Variants in FSTL4 observed in about 807,000 individuals in gnomAD.
The protein encoded by FSTL4 is follistatin like 4.
Under a neutral mutation model 78.2 loss-of-function variants are expected in FSTL4, and 28 were observed. The ratio of observed to expected loss-of-function variants is 0.36; its 90% confidence interval spans 0.27 to 0.49. FSTL4 has a LOEUF of 0.49. Among genes scored for constraint, FSTL4 ranks in the 20% least tolerant of loss-of-function variants. The pLI is 0.98. For synonymous variants in FSTL4, 422 were observed against 440.5 expected (o/e 0.96, Z 0.53); for missense variants, 922 against 1,084.9 (o/e 0.85, Z 2.11).
chr5:133,802,236 T>C, the FSTL4 span, among the ~76,000 whole-genome samples: 25,618 of 152,162 alleles, frequency 0.17, 2,653 homozygotes, highest in African/African-American at 0.3. Flanking sequence ...TCAGTAAATA[T>C]TGACCAAATC....
At chr5:133,340,449 T>G (rs1273829206) in intron 4 of FSTL4, among the ~76,000 whole-genome samples, 2 of 152,118 alleles carry the variant, frequency 1.3e-5, no homozygotes, top group Admixed American at 6.5e-5. Context: ...ACTGTGTGTG[T>G]GGGGTGCTCA....
chr5:133,598,539 G>T (rs1056907693), intron 2 of FSTL4, among the ~76,000 whole-genome samples: 4 of 152,082 alleles, frequency 2.6e-5, no homozygotes, highest in Non-Finnish European at 4.4e-5. Context: ...TAGGTGGGAG[G>T]TTGTGCCCTC....
chr5:133,363,423 A>C (rs1215095202), intron 4 of FSTL4, among the ~76,000 whole-genome samples: 1 of 151,996 alleles, frequency 6.6e-6, no homozygotes, highest in Non-Finnish European at 1.5e-5. Flanking sequence ...TCCCACCCTT[A>C]ATGACTTTTC....
chr5:133,813,005 G>A, the FSTL4 span, among the ~76,000 whole-genome samples: 4 of 152,172 alleles, frequency 2.6e-5, no homozygotes, highest in South Asian at 2.1e-4. Context: ...TTTGGCCATC[G>A]TGTTAACATT....
At chr5:133,343,561 G>T (rs2126920330) in intron 4 of FSTL4, among the ~76,000 whole-genome samples, 1 of 152,312 alleles carries the variant, frequency 6.6e-6, no homozygotes, top group Non-Finnish European at 1.5e-5. Flanking sequence ...TACACGTTTT[G>T]GTCAAACTGC....
At chr5:133,721,563 G>A in the FSTL4 span, among the ~76,000 whole-genome samples, 2 of 152,260 alleles carry the variant, frequency 1.3e-5, no homozygotes, top group Admixed American at 6.5e-5. Context: ...ATTCTTGACT[G>A]ACAGTCTTTT....
the FSTL4 span, among the ~76,000 whole-genome samples, chr5:133,752,158 C>G: frequency 6.6e-6 from 1 of 152,204 alleles, no homozygotes; most frequent in Non-Finnish European, 1.5e-5. Flanking sequence ...CCAACCTGCT[C>G]AAAACACTCT....
At chr5:133,650,588 T>C in the FSTL4 span, among the ~76,000 whole-genome samples, 3 of 152,182 alleles carry the variant, frequency 2.0e-5, no homozygotes, top group African/African-American at 7.2e-5. Flanking sequence ...CCTCTGCTCT[T>C]TTGTCATATT....
chr5:133,603,318 T>C (rs567618209), intron 2 of FSTL4, among the ~76,000 whole-genome samples: 1 of 152,226 alleles, frequency 6.6e-6, no homozygotes, highest in South Asian at 2.1e-4. Flanking sequence ...GAGGACAAGT[T>C]TTTCAAGCAC....
At chr5:133,567,351 A>G (rs1760047784) in intron 2 of FSTL4, 132 bp from the exon 3 acceptor site, 3 of 711,090 alleles carry the variant, frequency 4.2e-6, no homozygotes, top group Non-Finnish European at 7.4e-6. Flanking sequence ...GACACTGAGC[A>G]ATGTTGGTCT....
rs1284594841 is a variant in FSTL4, at chr5:133,430,952, T to A, written c.161-29966A>T. 2.0e-5 allele frequency among the ~76,000 whole-genome samples: 3 copies of A among 152,224 alleles called. No homozygotes were observed. In the East Asian group the frequency reaches 5.8e-4, roughly 29 times the overall value. ...AAAGTGGTGGTGAACAATAAAGTGT[T>A]CTATTAAACTTCCTGGTGGACAATA... On this transcript the variant is annotated intron_variant, in intron 3 of 15. Transcript: ENST00000265342.
At chr5:133,319,296 C>T (rs974959030) in intron 4 of FSTL4, among the ~76,000 whole-genome samples, 40 of 152,228 alleles carry the variant, frequency 2.6e-4, no homozygotes, top group African/African-American at 9.4e-4. Context: ...CCTGAGCCCA[C>T]GGTCCCACCC....
the FSTL4 span, among the ~76,000 whole-genome samples, chr5:133,651,628 G>A: frequency 0.09 from 13,601 of 151,760 alleles, 789 homozygotes; most frequent in South Asian, 0.17. Flanking sequence ...AAACATTGTT[G>A]GATTTGATTT....
chr5:133,675,500 C>T, the FSTL4 span, among the ~76,000 whole-genome samples: 49 of 152,200 alleles, frequency 3.2e-4, 1 homozygote, highest in African/African-American at 1.2e-3. Context: ...CACCACTCTG[C>T]CCCAACACCA....
the FSTL4 span, among the ~76,000 whole-genome samples, chr5:133,691,400 C>T: frequency 4.6e-5 from 7 of 152,058 alleles, no homozygotes; most frequent in Admixed American, 4.6e-4. Context: ...AGATGGATGC[C>T]CCACCCAGCT....
chr5:133,291,509 G>A (rs1753262392), intron 6 of FSTL4, among the ~76,000 whole-genome samples: 2 of 152,204 alleles, frequency 1.3e-5, no homozygotes, highest in Non-Finnish European at 1.5e-5. Context: ...GGCTTACAAG[G>A]CCTAAGATGC....
chr5:133,328,994 T>C (rs1754278787), intron 4 of FSTL4, among the ~76,000 whole-genome samples: 3 of 152,180 alleles, frequency 2.0e-5, no homozygotes, highest in South Asian at 4.1e-4. Context: ...CTGTGGCCTT[T>C]GAGTGGCCAC....
chr5:133,550,077 C>T (rs1334201670), intron 3 of FSTL4, among the ~76,000 whole-genome samples: 2 of 152,190 alleles, frequency 1.3e-5, no homozygotes, highest in East Asian at 1.9e-4. Context: ...TGGGCAAATA[C>T]TCTCAAAGCA....
chr5:133,403,718 T>C (rs113230715), intron 3 of FSTL4, among the ~76,000 whole-genome samples: 28 of 152,104 alleles, frequency 1.8e-4, no homozygotes, highest in African/African-American at 6.7e-4. Flanking sequence ...TGGAGGTGGG[T>C]CTTCTGGAGT....
Sources: gnomAD v4.1 joint callset for allele counts (sites outside exome capture counted in the v4.1 genomes callset) on GRCh38, gnomAD v4.1.1 for gene constraint, MANE v1.5 for transcripts, NCBI Gene and HGNC (gene_info 2026-07-23, HGNC 2026-07-21) for gene names.